Variants in VTA1 observed in about 807,000 individuals in gnomAD.
VTA1 encodes the protein vacuolar protein sorting-associated protein VTA1 homolog.
In VTA1, 24 loss-of-function variants were observed where a neutral mutation model predicts 36.9. That is an observed-to-expected ratio of 0.65 (90% CI 0.47 to 0.91). VTA1 has a LOEUF of 0.91. Among genes scored for constraint, VTA1 ranks in the 40% least tolerant of loss-of-function variants. The pLI is 0.00. For missense variants in VTA1, 393 were observed against 377.2 expected, an observed-to-expected ratio of 1.04 and a Z score of -0.35; for synonymous variants, 142 against 130.2, an observed-to-expected ratio of 1.09 and a Z score of -0.62.
At chr6:142,194,777 ATTGTT>A (rs1775516153) in intron 5 of VTA1, among the ~76,000 whole-genome samples, 1 of 151,954 alleles carries the variant, frequency 6.6e-6, no homozygotes, top group Non-Finnish European at 1.5e-5. Flanking sequence ...AAATATGTCC[ATTGTT>A]TTGTTTTGTT....
intron 6 of VTA1, 139 bp downstream of exon 6, chr6:142,198,754 C>T (rs1775620205): frequency 1.3e-6 from 1 of 755,016 alleles, no homozygotes; most frequent in Non-Finnish European, 2.0e-6. Context: ...CCACAAGAAA[C>T]ATTAAATTAT....
intron 1 of VTA1, among the ~76,000 whole-genome samples, chr6:142,148,061 A>T (rs1177470380): frequency 6.6e-6 from 1 of 152,204 alleles, no homozygotes; most frequent in African/African-American, 2.4e-5. Flanking sequence ...AATATAGGTT[A>T]ACTCTGCTCA....
chr6:142,204,334 A>G (rs565187416), intron 7 of VTA1, among the ~76,000 whole-genome samples: 116 of 152,328 alleles, frequency 7.6e-4, no homozygotes, highest in African/African-American at 2.5e-3. Context: ...AAGAACAAAC[A>G]TGGAGCCAAG....
At chr6:142,217,478 G>C (rs1283143695) in intron 7 of VTA1, among the ~76,000 whole-genome samples, 13 of 151,734 alleles carry the variant, frequency 8.6e-5, no homozygotes, top group African/African-American at 3.1e-4. Flanking sequence ...GTATCCACTT[G>C]CCTGGAGTTG....
chr6:142,204,385 C>A (rs559248619), intron 7 of VTA1, among the ~76,000 whole-genome samples: 1 of 151,918 alleles, frequency 6.6e-6, no homozygotes, highest in African/African-American at 2.4e-5. Flanking sequence ...TAATTTAGTT[C>A]GAGATTACCA....
At chr6:142,170,970 C>T (rs1775018978) in intron 4 of VTA1, among the ~76,000 whole-genome samples, 1 of 152,100 alleles carries the variant, frequency 6.6e-6, no homozygotes, top group African/African-American at 2.4e-5. Flanking sequence ...TACACTTCAG[C>T]ATATGTGTGA....
chr6:142,200,077 G>T (rs1343557504), intron 6 of VTA1, among the ~76,000 whole-genome samples: 1 of 152,082 alleles, frequency 6.6e-6, no homozygotes, highest in East Asian at 1.9e-4. Flanking sequence ...ATGCATTTAG[G>T]AGGCAAATCA....
At position 142,150,059 on chromosome 6, in the gene VTA1, C is replaced by G. The variant is rs545314876; in HGVS notation, c.112+2660C>G. On this transcript the variant is annotated intron_variant, in intron 1 of 7. Transcript: ENST00000367630. Reference sequence around the variant, plus strand: ...GTTTAACCCTTTTATTGAATTTCTACTTTAATTTTTTATTTTAGTGTTCTC... The same window carrying G: ...GTTTAACCCTTTTATTGAATTTCTAGTTTAATTTTTTATTTTAGTGTTCTC... 6.6e-5 allele frequency among the ~76,000 whole-genome samples: 10 copies of G among 152,106 alleles called. No individual in the cohort carries two copies. The South Asian group carries it at 1.0e-3, about 16-fold the overall frequency.
At chr6:142,180,905 G>A (rs1196611152) in intron 4 of VTA1, among the ~76,000 whole-genome samples, 1 of 151,334 alleles carries the variant, frequency 6.6e-6, no homozygotes, top group Non-Finnish European at 1.5e-5. Context: ...CTGGGCCTGG[G>A]GGGAAAATAA....
intron 7 of VTA1, among the ~76,000 whole-genome samples, chr6:142,213,974 C>G (rs544872623): frequency 1.3e-5 from 2 of 152,246 alleles, no homozygotes; most frequent in Non-Finnish European, 2.9e-5. Flanking sequence ...GGGTGATAGA[C>G]TTGAATTTTG....
intron 1 of VTA1, among the ~76,000 whole-genome samples, chr6:142,147,845 G>C (rs1490015852): frequency 5.3e-5 from 8 of 152,208 alleles, no homozygotes; most frequent in African/African-American, 1.9e-4. Flanking sequence ...CAGCATGCAA[G>C]CCCAATCAGA....
At chr6:142,170,131 G>A (rs116152213) in intron 3 of VTA1, among the ~76,000 whole-genome samples, 2,053 of 152,124 alleles carry the variant, frequency 0.013, 49 homozygotes, top group African/African-American at 0.047. Flanking sequence ...AAATCTTGAC[G>A]TAGCGCATTT....
chr6:142,158,364 T>C (rs1033963752), intron 1 of VTA1, among the ~76,000 whole-genome samples: 1 of 152,186 alleles, frequency 6.6e-6, no homozygotes, highest in Non-Finnish European at 1.5e-5. Context: ...CATGACCTTA[T>C]GAGTTTCAGG....
chr6:142,181,094 A>AATATATATATATATAT (rs1169535055), intron 4 of VTA1, among the ~76,000 whole-genome samples: 11 of 36,426 alleles, frequency 3.0e-4, no homozygotes, highest in Non-Finnish European at 5.2e-4. Flanking sequence ...AAAAAAAAAA[A>AATATATATATATATAT]ATATATATAT....
At chr6:142,161,571 T>G (rs1022369078) in intron 1 of VTA1, among the ~76,000 whole-genome samples, 6 of 152,204 alleles carry the variant, frequency 3.9e-5, no homozygotes, top group African/African-American at 1.4e-4. Flanking sequence ...ATATGCCTCA[T>G]TACTCATCAT....
At chr6:142,149,176 T>G (rs935105831) in intron 1 of VTA1, among the ~76,000 whole-genome samples, 1 of 152,218 alleles carries the variant, frequency 6.6e-6, no homozygotes, top group Non-Finnish European at 1.5e-5. Context: ...TGTCCATAAG[T>G]TAGCTTTACG....
chr6:142,163,573 G>A (rs1004611230), intron 1 of VTA1, among the ~76,000 whole-genome samples: 4 of 152,000 alleles, frequency 2.6e-5, no homozygotes, highest in African/African-American at 9.7e-5. Flanking sequence ...CAAATACAAT[G>A]ATTTCTTCAA....
chr6:142,160,150 C>G (rs1423271466), intron 1 of VTA1, among the ~76,000 whole-genome samples: 3 of 152,050 alleles, frequency 2.0e-5, no homozygotes, highest in African/African-American at 4.8e-5. Context: ...CAGTTTGATT[C>G]TTTTGTGTAT....
At chr6:142,210,427 TGG>T in intron 7 of VTA1, among the ~76,000 whole-genome samples, 1 of 152,216 alleles carries the variant, frequency 6.6e-6, no homozygotes, top group African/African-American at 2.4e-5. Context: ...AATGGCCAAA[TGG>T]GATTAGATCC....
Sources: allele counts gnomAD v4.1 joint callset (sites outside exome capture counted in the v4.1 genomes callset), GRCh38; gene constraint gnomAD v4.1.1; transcripts MANE v1.5; gene names NCBI Gene and HGNC (gene_info 2026-07-23, HGNC 2026-07-21).